The following NFASC variants were observed in gnomAD, a reference collection of about 807,000 sequenced individuals.
NFASC encodes the protein neurofascin.
In NFASC, 43 loss-of-function variants were observed where a neutral mutation model predicts 147.5. The ratio of observed to expected loss-of-function variants is 0.29; its 90% confidence interval spans 0.23 to 0.38. The LOEUF (loss-of-function observed/expected upper bound fraction) is 0.38, where lower values mean the gene tolerates loss of function less well. Ranked by LOEUF, NFASC falls within the 10% of genes least tolerant of loss-of-function variation. The pLI is 1.00. For missense variants in NFASC, 1,320 were observed against 1,689.0 expected, an observed-to-expected ratio of 0.78 and a Z score of 3.83; for synonymous variants, 622 against 665.5, an observed-to-expected ratio of 0.93 and a Z score of 1.01.
In NFASC at chr1:204,950,526, C is replaced by T; in HGVS notation, c.92-31C>T. ...GCATAACGATGTTCTTCTTTTCTCCCTCTCCAATGCTAACCCGTCGGAACT... is the reference window on the plus strand; with the variant it reads ...GCATAACGATGTTCTTCTTTTCTCCTTCTCCAATGCTAACCCGTCGGAACT... On this transcript the variant is annotated intron_variant, in intron 3 of 29. Transcript: ENST00000339876. The T allele has an allele frequency of 1.2e-6, 2 of 1,607,264 alleles. 1 individual carries two copies. The highest frequency in any genetic ancestry group is 3.3e-4 in the Middle Eastern group (2 of 6,050).
chr1:204,947,472 C>T (rs75813054), intron 3 of NFASC, among the ~76,000 whole-genome samples: 3,242 of 152,298 alleles, frequency 0.021, 127 homozygotes, highest in African/African-American at 0.073. Context: ...AGGGCAGGGG[C>T]ACTGCTTCTA....
At chr1:204,967,948 C>T in intron 8 of NFASC, 1 of 228,104 alleles carries the variant, frequency 4.4e-6, no homozygotes, top group South Asian at 7.6e-5. Flanking sequence ...AGATCTCGCA[C>T]TGCTCAGACA....
chr1:204,946,256 T>C, intron 3 of NFASC: 1 of 480,676 alleles, frequency 2.1e-6, no homozygotes, highest in Non-Finnish European at 4.3e-6. Context: ...GCAGGTGTCA[T>C]GCACCAGGAA....
Position 204,954,837 on chromosome 1 carries a change from C to G in NFASC, c.421C>G (p.Leu141Val). 6.2e-7 allele frequency: 1 copy of G among 1,614,208 alleles called. No homozygotes were observed. The highest frequency in any genetic ancestry group is 8.5e-7 in the Non-Finnish European group (1 of 1,180,032). The change falls in exon 7 of 30, where the codon CTG becomes GTG. Residue 141 changes from leucine (L) to valine (V), a missense_variant. By Grantham distance (32) the Leu-to-Val change is conservative. Around this residue, in one of 3 missense-constraint regions of NFASC, gnomAD observed 981 missense variants for 1,289.5 expected, o/e 0.76. Transcript: ENST00000339876. This position sits in a 1 kb window ranked among gnomAD's most constrained non-coding sequence, Gnocchi z 5.7. ...RIRLQVSKSPLWPKENLDPVV... is the reference protein window; with the variant it reads ...RIRLQVSKSPVWPKENLDPVV... ...TGTCCACTTCTCTCCAGAATCTCCT[C>G]TGTGGCCCAAGGAAAACCTAGACCC... is the stretch of plus-strand genomic sequence containing the variant.
intron 17 of NFASC, among the ~76,000 whole-genome samples, chr1:204,978,723 T>G (rs1459804431): frequency 6.6e-6 from 1 of 152,014 alleles, no homozygotes; most frequent in Non-Finnish European, 1.5e-5. Flanking sequence ...GCCCCTTTAT[T>G]TCCTTGTTCC....
chr1:204,944,454 G>T (rs2149798037), intron 3 of NFASC, 48 bp downstream of exon 3: 52 of 982,312 alleles, frequency 5.3e-5, no homozygotes, highest in Non-Finnish European at 6.5e-5. Flanking sequence ...ATTTTGGGCA[G>T]AGGGGTGGGA....
At chr1:204,846,195 C>T (rs1211305915) in intron 1 of NFASC, among the ~76,000 whole-genome samples, 2 of 134,816 alleles carry the variant, frequency 1.5e-5, no homozygotes, top group African/African-American at 6.0e-5. Flanking sequence ...GAGATCCTGT[C>T]TATACAAAAA....
chr1:205,016,238 G>T lies in NFASC; in HGVS notation c.3492-70G>T. The T allele has an allele frequency of 9.7e-7, 1 of 1,036,150 alleles. No individual in the cohort carries two copies. The highest frequency in any genetic ancestry group is 1.3e-5 in the South Asian group (1 of 76,012). The allele number at this position is 1,036,150 out of a possible 1,614,324, so 64.2% of individuals were successfully genotyped here. On this transcript the variant is annotated intron_variant, in intron 29 of 29. Coordinates refer to ENST00000339876, the MANE Select transcript of NFASC (RefSeq NM_001005388.3). The surrounding 1 kb of genome is among the most constrained non-coding windows in gnomAD (Gnocchi z 5.1). Reference sequence around the variant, plus strand: ...ATCCCATCCTCTCTGAGCTGTGTAGGGCATGTGCTGGCAGGAGGCCAGCTG... The same window carrying T: ...ATCCCATCCTCTCTGAGCTGTGTAGTGCATGTGCTGGCAGGAGGCCAGCTG...
chr1:204,831,583 G>T (rs916396878), intron 1 of NFASC, among the ~76,000 whole-genome samples: 14 of 151,972 alleles, frequency 9.2e-5, no homozygotes, highest in African/African-American at 3.4e-4. Context: ...GGCACCCTGA[G>T]ATCTTCAAGA....
In NFASC at chr1:205,015,124, C is replaced by T. The variant is rs1574551373; in HGVS notation, c.3492-1184C>T. ...ACCTGACAGCTGTCTTTGCCCGACA[C>T]TGCTATTAGAAGTGAGAACGCACTG... On this transcript the variant is annotated intron_variant, in intron 29 of 29. Coordinates refer to ENST00000339876, the MANE Select transcript of NFASC (RefSeq NM_001005388.3). This position sits in a 1 kb window ranked among gnomAD's most constrained non-coding sequence, Gnocchi z 4.0. Among the ~76,000 whole-genome samples, 1 of 152,236 alleles carries T rather than the reference C, an allele frequency of 6.6e-6. No individual in the cohort carries two copies. The highest frequency in any genetic ancestry group is 1.5e-5 in the Non-Finnish European group (1 of 68,032).
At chr1:204,874,836 T>A (rs78937481) in intron 1 of NFASC, among the ~76,000 whole-genome samples, 5,658 of 152,182 alleles carry the variant, frequency 0.037, 391 homozygotes, top group African/African-American at 0.13. Flanking sequence ...TCCACTTTGC[T>A]GTAGACTGAA....
chr1:204,950,716 T>G, intron 4 of NFASC, 142 bp downstream of exon 4: 1 of 777,254 alleles, frequency 1.3e-6, no homozygotes. Flanking sequence ...GGTATCTTAC[T>G]GCGGGGGAAG....
intron 1 of NFASC, among the ~76,000 whole-genome samples, chr1:204,830,159 GTGCTGGGCCC>G (rs1459203521): frequency 6.6e-6 from 1 of 152,154 alleles, no homozygotes; most frequent in Non-Finnish European, 1.5e-5. Flanking sequence ...CCTTGGAAAT[GTGCTGGGCCC>G]TGCTGGGCCT....
In NFASC at chr1:204,954,743, T is replaced by C; in HGVS notation, c.413-86T>C. On this transcript the variant is annotated intron_variant, in intron 6 of 29. Coordinates refer to ENST00000339876, the MANE Select transcript of NFASC (RefSeq NM_001005388.3). This position sits in a 1 kb window ranked among gnomAD's most constrained non-coding sequence, Gnocchi z 5.7. Reference sequence around the variant, plus strand: ...CTCCAGGTGCCCCTTCTGTTTCTCCTCCTTGCATGCCTGCCTCTGACCCTG... The same window carrying C: ...CTCCAGGTGCCCCTTCTGTTTCTCCCCCTTGCATGCCTGCCTCTGACCCTG... 1 of 1,499,138 alleles carries C rather than the reference T, an allele frequency of 6.7e-7. No individual in the cohort carries two copies. Among genetic ancestry groups the C allele is most frequent in the Admixed American group, 1.8e-5 (1 of 56,166 alleles). The allele number at this position is 1,499,138 out of a possible 1,614,324, so 92.9% of individuals were successfully genotyped here.
chr1:204,843,654 C>CCCTCCCTT (rs1676115383), intron 1 of NFASC, among the ~76,000 whole-genome samples: 1 of 97,134 alleles, frequency 1.0e-5, no homozygotes, highest in Non-Finnish European at 2.0e-5. Context: ...CTCCCTCCCT[C>CCCTCCCTT]CCTTCCTTCC....
intron 23 of NFASC, 70 bp from the exon 24 acceptor site, chr1:204,991,222 G>A: frequency 1.3e-6 from 2 of 1,549,106 alleles, no homozygotes; most frequent in South Asian, 1.1e-5. Context: ...TCTCACTTGT[G>A]CTCTGTTTTC....
chr1:204,997,577 T>A, intron 25 of NFASC, 171 bp downstream of exon 25: 2 of 751,402 alleles, frequency 2.7e-6, no homozygotes, highest in Non-Finnish European at 4.5e-6. Flanking sequence ...CTCAGTCCCG[T>A]AGCCTGGAGG....
rs750856686 is a variant in NFASC at position 204,974,201 on chromosome 1, G to A, written c.1302G>A (p.Ser434=). 21 of 1,613,796 alleles carry A rather than the reference G, an allele frequency of 1.3e-5. No individual in the cohort carries two copies. Among genetic ancestry groups the A allele is most frequent in the Admixed American group, 1.0e-4 (6 of 59,976 alleles). ...SVLDVPPRML[S]PRNQLIRVIL... Reference sequence around the variant, plus strand: ...CAGATGTGCCGCCTCGGATGCTGTCGCCCCGGAACCAGCTCATTCGAGTGA... The same window carrying A: ...CAGATGTGCCGCCTCGGATGCTGTCACCCCGGAACCAGCTCATTCGAGTGA... The change falls in exon 13 of 30, where the codon TCG becomes TCA. Residue 434 remains serine (S), a synonymous_variant. Coordinates refer to ENST00000339876, the MANE Select transcript of NFASC (RefSeq NM_001005388.3).
chr1:204,829,049 C>G (rs1347040762), intron 1 of NFASC, among the ~76,000 whole-genome samples: 1 of 128,970 alleles, frequency 7.8e-6, no homozygotes, highest in Non-Finnish European at 1.7e-5. Context: ...GTCCCCTCCC[C>G]CTTCCCGCAT....
Sources: gnomAD v4.1 joint callset for allele counts (sites outside exome capture counted in the v4.1 genomes callset) on GRCh38, gnomAD v4.1.1 for gene constraint, gnomAD v4.1.1 regional missense constraint, Gnocchi (gnomAD v3.1) non-coding constraint, MANE v1.5 for transcripts, NCBI Gene and HGNC (gene_info 2026-07-23, HGNC 2026-07-21) for gene names.